The following PEG3 variants were observed in gnomAD, a reference collection of about 807,000 sequenced individuals.
The protein encoded by PEG3 is paternally expressed 3.
PEG3 carries 23 observed loss-of-function variants against 35.5 expected under a neutral mutation model. The ratio of observed to expected loss-of-function variants is 0.65; its 90% CI spans 0.47 to 0.92. PEG3 has a LOEUF of 0.92. PEG3 is among the 40% of genes least tolerant of loss of function. The pLI is 0.00. For synonymous variants in PEG3, 707 were observed against 697.0 expected, an observed-to-expected ratio of 1.01 and a Z score of -0.23; for missense variants, 1,960 against 1,985.3, an observed-to-expected ratio of 0.99 and a Z score of 0.24.
intron 3 of PEG3, 40 bp from the exon 4 acceptor site, chr19:56,824,781 G>A (rs1423343681): frequency 2.1e-6 from 2 of 930,244 alleles, no homozygotes; most frequent in Non-Finnish European, 3.2e-6. Flanking sequence ...CCCAGAAGTT[G>A]AAGACCAGGC....
intron 2 of PEG3, among the ~76,000 whole-genome samples, chr19:56,835,766 A>G (rs1160589113): frequency 6.6e-6 from 1 of 152,206 alleles, no homozygotes; most frequent in African/African-American, 2.4e-5. Flanking sequence ...CAGGCAAGAG[A>G]AAAAGAGTAG....
Position 56,816,630 on chromosome 19 carries a change from GCGCTCA to G in PEG3, c.1806_1811del (p.Glu603_Arg604del). ...CTGGGCTGGGCCTAAAGGTTTCCCC[GCGCTCA>G]CGTTCACGTTCACGTTCATGTTCAC... On this transcript the variant is annotated inframe_deletion, in exon 10 of 10. Coordinates refer to ENST00000326441, the MANE Select transcript of PEG3 (RefSeq NM_006210.3). 1 of 1,612,064 alleles carries G rather than the reference GCGCTCA, an allele frequency of 6.2e-7. No homozygotes were observed. The highest frequency in any genetic ancestry group is 8.5e-7 in the Non-Finnish European group (1 of 1,178,298).
intron 1 of PEG3, among the ~76,000 whole-genome samples, chr19:56,840,068 A>G (rs995934841): frequency 7.9e-5 from 12 of 152,188 alleles, no homozygotes; most frequent in African/African-American, 2.9e-4. Context: ...CGGCGCCGCG[A>G]GGCCGATGGC....
chr19:56,840,140 G>A (rs1330284004), intron 1 of PEG3, among the ~76,000 whole-genome samples: 2 of 152,184 alleles, frequency 1.3e-5, no homozygotes, highest in Non-Finnish European at 2.9e-5. Context: ...CAGGGCTCCC[G>A]AGAGCCGCAT....
At position 56,817,515 on chromosome 19, in the gene PEG3, A is replaced by C; in HGVS notation, c.927T>G (p.Ser309=). The change falls in exon 10 of 10, where the codon TCT becomes TCG. Residue 309 remains serine (S), a synonymous_variant. Transcript: ENST00000326441. ...THRRGICEDE[S]SHGVIMEKFI... ...ATTTTTCCATTATCACTCCGTGGGA[A>C]GATTCATCTTCACAAATCCCCCGCC... 1 of 1,607,750 alleles carries C rather than the reference A, an allele frequency of 6.2e-7. No individual in the cohort carries two copies. The highest frequency in any genetic ancestry group is 1.3e-5 in the African/African-American group (1 of 74,846).
rs756792919 is a variant in PEG3 at position 56,817,417 on chromosome 19, G to C, written c.1025C>G (p.Pro342Arg). The change falls in exon 10 of 10, where the codon CCC becomes CGC. Residue 342 changes from proline to arginine, a missense_variant. Pro to Arg is a moderately radical substitution (Grantham distance 103). Coordinates refer to ENST00000326441, the MANE Select transcript of PEG3 (RefSeq NM_006210.3). ...RESSDRSQRF[P>R]RMSDDNWKDI... ...CTTCCAGTTATCATCTGACATTCTG[G>C]GGAATCTCTGTGACCGGTCGCTTGA... 66 of 1,613,880 alleles carry C rather than the reference G, an allele frequency of 4.1e-5. No homozygotes were observed. The highest frequency in any genetic ancestry group is 5.3e-5 in the Non-Finnish European group (62 of 1,179,978).
At chr19:56,822,991 G>T (rs906998510) in intron 5 of PEG3, among the ~76,000 whole-genome samples, 155 bp from the exon 6 acceptor site, 1 of 152,126 alleles carries the variant, frequency 6.6e-6, no homozygotes, top group Non-Finnish European at 1.5e-5. Context: ...GGCTCATCTG[G>T]CCCCTTCTTT....
chr19:56,816,298 C>A lies in PEG3; in HGVS notation c.2144G>T (p.Gly715Val), dbSNP rs2059972232. The A allele has an allele frequency of 6.2e-7, 1 of 1,614,012 alleles. No homozygotes were observed. The highest frequency in any genetic ancestry group is 1.3e-5 in the African/African-American group (1 of 75,038). Residue 715 changes from glycine (G) to valine (V), a missense_variant, in exon 10 of 10, where the codon GGC becomes GTC. Gly to Val is a moderately radical substitution (Grantham distance 109). This residue lies in a region of PEG3 where 798 missense variants were observed against 782.4 expected (regional missense o/e 1.02). Coordinates refer to ENST00000326441, the MANE Select transcript of PEG3 (RefSeq NM_006210.3). ...AATGACAGATTTCTCATACCCTCTG[C>A]CTTCAAAGAGGTTCTTTCGAGAATG... is the stretch of plus-strand genomic sequence containing the variant. ...KIHSRKNLFE[G>V]RGYEKSVIHS...
At chr19:56,819,286 G>A (rs1236791327) in intron 7 of PEG3, among the ~76,000 whole-genome samples, 1 of 152,208 alleles carries the variant, frequency 6.6e-6, no homozygotes, top group African/African-American at 2.4e-5. Context: ...TACATTGAGG[G>A]AGTCTCCAGT....
intron 2 of PEG3, among the ~76,000 whole-genome samples, chr19:56,834,243 T>A (rs1301917257): frequency 6.6e-6 from 1 of 152,148 alleles, no homozygotes; most frequent in Non-Finnish European, 1.5e-5. Flanking sequence ...ACAACTCTCA[T>A]CAGACCTAAC....
chr19:56,823,549 C>A (rs772286225), intron 5 of PEG3, 44 bp downstream of exon 5: 21 of 1,612,502 alleles, frequency 1.3e-5, no homozygotes, highest in Non-Finnish European at 1.7e-5. Flanking sequence ...AAGCATCTGG[C>A]AGCGCCTGCC....
At chr19:56,835,207 T>C (rs1481819232) in intron 2 of PEG3, among the ~76,000 whole-genome samples, 3 of 152,134 alleles carry the variant, frequency 2.0e-5, no homozygotes, top group Non-Finnish European at 4.4e-5. Context: ...AACCAGATGA[T>C]CTTTTTAAAA....
At chr19:56,834,787 C>T (rs2061917737) in intron 2 of PEG3, among the ~76,000 whole-genome samples, 1 of 152,156 alleles carries the variant, frequency 6.6e-6, no homozygotes, top group African/African-American at 2.4e-5. Context: ...CCACCACCAC[C>T]ATAGCCACCT....
chr19:56,827,549 C>T (rs2061165164), intron 2 of PEG3, among the ~76,000 whole-genome samples: 1 of 152,110 alleles, frequency 6.6e-6, no homozygotes, highest in Non-Finnish European at 1.5e-5. Flanking sequence ...CGGGAAGAAA[C>T]AAGTACACTC....
chr19:56,817,931 A>T, intron 8 of PEG3, 96 bp from the exon 9 acceptor site: 1 of 947,276 alleles, frequency 1.1e-6, no homozygotes, highest in Non-Finnish European at 1.6e-6. Flanking sequence ...GAGCCACTAA[A>T]TATGAGGTGG....
rs892868123 is a variant in PEG3 at position 56,810,193 on chromosome 19, G to C, written c.*3482C>G. ...AAACAAGATGAAGAAAATATATCAAGATGTTAACCACACTCTTTGGATGGT... is the reference window on the plus strand; with the variant it reads ...AAACAAGATGAAGAAAATATATCAACATGTTAACCACACTCTTTGGATGGT... On this transcript the variant is annotated 3_prime_UTR_variant, in exon 10 of 10. Transcript: ENST00000326441. 5 of 980,334 alleles carry C rather than the reference G, an allele frequency of 5.1e-6. No individual in the cohort carries two copies. The highest frequency in any genetic ancestry group is 6.1e-6 in the Non-Finnish European group (5 of 825,594). 60.7% of individuals were successfully genotyped at this position (980,334 alleles called of 1,614,324 possible). A position where few individuals can be genotyped will look rare whatever the true frequency, so the allele number is the denominator to read the frequency against.
Position 56,813,329 on chromosome 19 carries a change from C to A in PEG3, c.*346G>T. 1 of 1,005,730 alleles carries A rather than the reference C, an allele frequency of 9.9e-7. No homozygotes were observed. Among genetic ancestry groups the A allele is most frequent in the Non-Finnish European group, 1.2e-6 (1 of 830,652 alleles). 62.3% of individuals were successfully genotyped at this position (1,005,730 alleles called of 1,614,324 possible). A position where few individuals can be genotyped will look rare whatever the true frequency, so the allele number is the denominator to read the frequency against. Reference sequence around the variant, plus strand: ...ATAATTTGCTATTTTATATACACCTCATGAAACACTATATATACGTTACAC... The same window carrying A: ...ATAATTTGCTATTTTATATACACCTAATGAAACACTATATATACGTTACAC... On this transcript the variant is annotated 3_prime_UTR_variant, in exon 10 of 10. Coordinates refer to ENST00000326441, the MANE Select transcript of PEG3 (RefSeq NM_006210.3).
In PEG3 at chr19:56,837,315, C is replaced by T. The variant is rs61134832; in HGVS notation, c.-249-1211G>A. 9.0e-3 allele frequency among the ~76,000 whole-genome samples: 1,374 copies of T among 152,204 alleles called. 15 individuals carry two copies. The highest frequency in any genetic ancestry group is 0.031 in the African/African-American group (1,276 of 41,490). On this transcript the variant is annotated intron_variant, in intron 1 of 9. Coordinates refer to ENST00000326441, the MANE Select transcript of PEG3 (RefSeq NM_006210.3). ...TTCCCATGCACTGCCCCTCTCAGGA[C>T]CACCCGCAGCCCTGAATTTTTCCAC...
intron 8 of PEG3, among the ~76,000 whole-genome samples, chr19:56,818,090 T>C (rs555086375): frequency 1.3e-5 from 2 of 152,322 alleles, no homozygotes; most frequent in South Asian, 2.1e-4. Context: ...AATCAGTGCA[T>C]TGTCTTTTAG....
Sources: gnomAD v4.1 joint callset for allele counts (sites outside exome capture counted in the v4.1 genomes callset) on GRCh38, gnomAD v4.1.1 for gene constraint, gnomAD v4.1.1 regional missense constraint, MANE v1.5 for transcripts, NCBI Gene and HGNC (gene_info 2026-07-23, HGNC 2026-07-21) for gene names.